EPHB1: variants seen among roughly 807,000 people sequenced by gnomAD.
EPHB1 encodes the protein ephrin type-B receptor 1.
Under a neutral mutation model 94.4 loss-of-function variants are expected in EPHB1, and 30 were observed. That is an observed-to-expected ratio of 0.32 (90% CI 0.24 to 0.43). The LOEUF (loss-of-function observed/expected upper bound fraction) is 0.43, where lower values mean the gene tolerates loss of function less well. EPHB1 is among the 20% of genes least tolerant of loss of function. The pLI is 1.00. For missense variants in EPHB1, 1,055 were observed against 1,308.3 expected (o/e 0.81, Z 2.99); for synonymous variants, 522 against 489.1 (o/e 1.07, Z -0.89).
In EPHB1 at chr3:134,960,009, G is replaced by A. The variant is rs566465062; in HGVS notation, c.805+7957G>A. Among the ~76,000 whole-genome samples, 163 of 47,874 alleles carry A rather than the reference G, an allele frequency of 3.4e-3. 2 individuals carry two copies. The highest frequency in any genetic ancestry group is 8.9e-3 in the African/African-American group (154 of 17,384). 31.4% of individuals were successfully genotyped at this position (47,874 alleles called of 152,430 possible). On this transcript the variant is annotated intron_variant, in intron 3 of 15. Transcript: ENST00000398015. ...TTTTTTTTTTTTTTTTTTTTTTTTTGCATGGACGGAGACTCACCACTTTTC... is the reference window on the plus strand; with the variant it reads ...TTTTTTTTTTTTTTTTTTTTTTTTTACATGGACGGAGACTCACCACTTTTC...
At position 134,970,616 on chromosome 3, in the gene EPHB1, A is replaced by G. The variant is rs574475660; in HGVS notation, c.805+18564A>G. Among the ~76,000 whole-genome samples the G allele has an allele frequency of 1.3e-3, 194 of 152,310 alleles. 1 individual carries two copies. Among genetic ancestry groups the G allele is most frequent in the African/African-American group, 4.4e-3 (182 of 41,580 alleles). On this transcript the variant is annotated intron_variant, in intron 3 of 15. Transcript: ENST00000398015. ...TGTATGTGTGTGTGTATGTAGGGAA[A>G]GGATCTGCTTGTTAACTGATGTATC...
intron 1 of EPHB1, among the ~76,000 whole-genome samples, chr3:134,900,545 C>T (rs961885101): frequency 6.6e-6 from 1 of 152,100 alleles, no homozygotes; most frequent in African/African-American, 2.4e-5. Context: ...TTCAGGCCTC[C>T]AGGATGTCAT....
intron 4 of EPHB1, among the ~76,000 whole-genome samples, chr3:135,106,864 CT>C (rs1200464630): frequency 6.6e-6 from 1 of 152,168 alleles, no homozygotes; most frequent in Non-Finnish European, 1.5e-5. Flanking sequence ...AGCAAGATAA[CT>C]TCTGTTCATC....
chr3:134,896,464 A>G (rs894997674), intron 1 of EPHB1, among the ~76,000 whole-genome samples: 1 of 152,176 alleles, frequency 6.6e-6, no homozygotes, highest in Non-Finnish European at 1.5e-5. Flanking sequence ...GCACCCAATA[A>G]TGGTTGCTCT....
At chr3:134,824,843 C>G (rs2036446459) in intron 1 of EPHB1, among the ~76,000 whole-genome samples, 1 of 152,008 alleles carries the variant, frequency 6.6e-6, no homozygotes, top group African/African-American at 2.4e-5. Context: ...CCAGCACCAA[C>G]TGCCAGCCAG....
Position 135,161,974 on chromosome 3 carries a change from C to G in EPHB1, c.1423-44C>G, listed in dbSNP as rs765939791. ...AGGGTGGAGTGGGCTGGGGGTGTAG[C>G]CTTCAGGAATGGGATAGTGACCCTT... On this transcript the variant is annotated intron_variant, in intron 6 of 15. Transcript: ENST00000398015. 4.5e-6 allele frequency: 7 copies of G among 1,566,166 alleles called. No homozygotes were observed. In the Admixed American group the frequency reaches 7.1e-5, roughly 16 times the overall value.
chr3:134,827,940 C>T (rs2036515073), intron 1 of EPHB1, among the ~76,000 whole-genome samples: 1 of 152,154 alleles, frequency 6.6e-6, no homozygotes, highest in South Asian at 2.1e-4. Flanking sequence ...ATGGGCAATC[C>T]TCTCTCCTCA....
At chr3:134,983,404 G>A (rs927603449) in intron 3 of EPHB1, among the ~76,000 whole-genome samples, 2 of 152,262 alleles carry the variant, frequency 1.3e-5, no homozygotes. Flanking sequence ...AATTACAGGT[G>A]TAAAATATTC....
At chr3:135,120,914 T>A (rs1559839388) in intron 4 of EPHB1, among the ~76,000 whole-genome samples, 1 of 152,186 alleles carries the variant, frequency 6.6e-6, no homozygotes, top group Non-Finnish European at 1.5e-5. Flanking sequence ...ACTGTGGAGA[T>A]GCAGGACTCC....
At chr3:134,921,491 T>A (rs556321767) in intron 1 of EPHB1, among the ~76,000 whole-genome samples, 1 of 152,318 alleles carries the variant, frequency 6.6e-6, no homozygotes, top group Admixed American at 6.5e-5. Flanking sequence ...CAGTTATGAC[T>A]TTGCTTCTTG....
At chr3:134,920,228 C>T (rs1437072081) in intron 1 of EPHB1, among the ~76,000 whole-genome samples, 1 of 152,156 alleles carries the variant, frequency 6.6e-6, no homozygotes, top group Non-Finnish European at 1.5e-5. Context: ...TGAATGCATA[C>T]CTGAACCCCT....
intron 2 of EPHB1, among the ~76,000 whole-genome samples, chr3:134,929,374 G>A (rs1038971355): frequency 2.4e-4 from 36 of 152,198 alleles, no homozygotes; most frequent in African/African-American, 8.7e-4. Flanking sequence ...GCTGCAGAGA[G>A]GCTGGGCATA....
chr3:135,236,537 T>C (rs767573157), intron 12 of EPHB1, among the ~76,000 whole-genome samples: 2 of 152,204 alleles, frequency 1.3e-5, no homozygotes, highest in Non-Finnish European at 2.9e-5. Context: ...TATTGTGTGG[T>C]TTAAATTTCT....
intron 3 of EPHB1, among the ~76,000 whole-genome samples, chr3:135,034,514 C>T (rs1428352285): frequency 6.6e-6 from 1 of 152,234 alleles, no homozygotes; most frequent in African/African-American, 2.4e-5. Context: ...CTCTGAGAGG[C>T]AGGTGCTGTC....
intron 13 of EPHB1, among the ~76,000 whole-genome samples, chr3:135,242,274 C>T (rs908559584): frequency 6.6e-6 from 1 of 152,008 alleles, no homozygotes; most frequent in Non-Finnish European, 1.5e-5. Flanking sequence ...TGGGAGGGGG[C>T]AGTTTTTATC....
intron 1 of EPHB1, among the ~76,000 whole-genome samples, chr3:134,819,785 G>T (rs1485182997): frequency 6.6e-6 from 1 of 152,160 alleles, no homozygotes; most frequent in Non-Finnish European, 1.5e-5. Context: ...TCTCACTTTT[G>T]TCTGCCTGGG....
In EPHB1 at chr3:135,000,926, G is replaced by A. The variant is rs114230876; in HGVS notation, c.805+48874G>A. On this transcript the variant is annotated intron_variant, in intron 3 of 15. Transcript: ENST00000398015. The stretch of plus-strand genomic sequence containing the variant: ...CTTAGAATACAGAACACCAATTTCT[G>A]CAACTTCCACCTTATTTTTCTTTTC... Among the ~76,000 whole-genome samples the A allele has an allele frequency of 5.5e-3, 834 of 152,222 alleles. 7 individuals are homozygous for A. Among genetic ancestry groups the A allele is most frequent in the African/African-American group, 0.019 (790 of 41,534 alleles).
In EPHB1 at chr3:134,799,531, C is replaced by A. The variant is rs184356991; in HGVS notation, c.58+3842C>A. On this transcript the variant is annotated intron_variant, in intron 1 of 15. Transcript: ENST00000398015. Reference sequence around the variant, plus strand: ...GGAATGCTGGCGAGGGAGGGCAATGCAGCTCTGGGCAATGGCTTGGGAAAA... The same window carrying A: ...GGAATGCTGGCGAGGGAGGGCAATGAAGCTCTGGGCAATGGCTTGGGAAAA... Among the ~76,000 whole-genome samples the A allele has an allele frequency of 2.2e-3, 337 of 152,366 alleles. 4 individuals are homozygous for A. Among genetic ancestry groups the A allele is most frequent in the African/African-American group, 7.6e-3 (315 of 41,586 alleles).
intron 5 of EPHB1, among the ~76,000 whole-genome samples, chr3:135,136,369 A>G (rs892789228): frequency 6.6e-6 from 1 of 152,218 alleles, no homozygotes; most frequent in Non-Finnish European, 1.5e-5. Flanking sequence ...TTCAAGGACC[A>G]GGTATCACTT....
Sources: allele counts gnomAD v4.1 joint callset (sites outside exome capture counted in the v4.1 genomes callset), GRCh38; gene constraint gnomAD v4.1.1; transcripts MANE v1.5; gene names NCBI Gene and HGNC (gene_info 2026-07-23, HGNC 2026-07-21).